ZBTB16: variants seen among roughly 807,000 people sequenced by gnomAD.
ZBTB16 encodes zinc finger and BTB domain-containing protein 16.
A neutral mutation model predicts 56.8 loss-of-function variants in ZBTB16; 8 were observed. The observed-to-expected ratio is 0.14, with a 90% CI of 0.08 to 0.25. ZBTB16 has a LOEUF of 0.25. Among genes scored for constraint, ZBTB16 ranks in the 10% least tolerant of loss-of-function variants. The pLI, the probability that ZBTB16 is intolerant of heterozygous loss-of-function variation, is 1.00. For missense variants in ZBTB16, 625 were observed against 903.0 expected (o/e 0.69, Z 3.95); for synonymous variants, 363 against 368.5 (o/e 0.98, Z 0.17).
At chr11:114,209,032 A>G (rs574262145) in intron 4 of ZBTB16, among the ~76,000 whole-genome samples, 44 of 152,318 alleles carry the variant, frequency 2.9e-4, no homozygotes, top group African/African-American at 8.7e-4. Context: ...CATTCATTCA[A>G]TGGGATTTGA....
intron 2 of ZBTB16, among the ~76,000 whole-genome samples, chr11:114,115,485 A>G (rs570447197): frequency 2.0e-5 from 3 of 151,998 alleles, no homozygotes; most frequent in East Asian, 1.9e-4. Context: ...AGAGTCCCAC[A>G]TTCTTCCAAG....
intron 4 of ZBTB16, among the ~76,000 whole-genome samples, chr11:114,224,902 C>A (rs1005726518): frequency 6.6e-6 from 1 of 152,154 alleles, no homozygotes; most frequent in South Asian, 2.1e-4. Flanking sequence ...ATATCAAAGG[C>A]AAACAGTTTT....
At chr11:114,235,681 TCTTTCTTTCTTTTCTTTCTTTC>T (rs1248968967) in intron 4 of ZBTB16, among the ~76,000 whole-genome samples, 39 of 25,510 alleles carry the variant, frequency 1.5e-3, no homozygotes, top group Admixed American at 6.7e-3. Context: ...TTTCTTTCTT[TCTTTCTTTCTTTTCTTTCTTTC>T]TTTTCTTTCT....
At chr11:114,168,446 T>C (rs1942854996) in intron 3 of ZBTB16, among the ~76,000 whole-genome samples, 1 of 152,214 alleles carries the variant, frequency 6.6e-6, no homozygotes, top group African/African-American at 2.4e-5. Context: ...GAAAGACATT[T>C]ATTGAAACTT....
chr11:114,241,363 G>T (rs1944698923), intron 4 of ZBTB16, among the ~76,000 whole-genome samples: 1 of 152,146 alleles, frequency 6.6e-6, no homozygotes, highest in Admixed American at 6.5e-5. Context: ...CCGGGCCATG[G>T]TCTGTGAGGA....
At chr11:114,088,917 GC>G (rs537883860) in intron 2 of ZBTB16, among the ~76,000 whole-genome samples, 91 of 152,176 alleles carry the variant, frequency 6.0e-4, no homozygotes, top group Middle Eastern at 3.4e-3. Context: ...TGGCCTGGGG[GC>G]CCCCCCACAC....
rs539874346 is a variant in ZBTB16 at position 114,104,182 on chromosome 11, C to T, written c.1268+39614C>T. Among the ~76,000 whole-genome samples the T allele has an allele frequency of 7.2e-5, 11 of 152,264 alleles. No homozygotes were observed. In the South Asian group the frequency reaches 8.3e-4, roughly 11 times the overall value. ...ATTTTCTGTTTTATCCCAGGGTGAA[C>T]GTGTGTAGAAAACTGGGACCTAACC... On this transcript the variant is annotated intron_variant, in intron 2 of 6. Coordinates refer to ENST00000335953, the MANE Select transcript of ZBTB16 (RefSeq NM_006006.6).
At chr11:114,233,115 ACACACACACACTCTCTCT>A (rs1428699002) in intron 4 of ZBTB16, among the ~76,000 whole-genome samples, 1,150 of 55,920 alleles carry the variant, frequency 0.021, 51 homozygotes, top group Admixed American at 0.12. Flanking sequence ...ACACACACAC[ACACACACACACTCTCTCT>A]CTCTCACACT....
chr11:114,062,813 C>T (rs1938936845), intron 1 of ZBTB16, among the ~76,000 whole-genome samples: 1 of 152,214 alleles, frequency 6.6e-6, no homozygotes, highest in Non-Finnish European at 1.5e-5. Context: ...AAGGAAGGGG[C>T]TAAAGTCTTG....
In ZBTB16 at chr11:114,253,775, G is replaced by A. The variant is rs1944955575; in HGVS notation, c.*3220G>A. On this transcript the variant is annotated 3_prime_UTR_variant, in exon 7 of 7. Coordinates refer to ENST00000335953, the MANE Select transcript of ZBTB16 (RefSeq NM_006006.6). ...AACAGTTCTAATGTTGCACGGCCTA[G>A]TGGCCAGGGGGCAAGCTAAGAGGCT... Among the ~76,000 whole-genome samples, 1 of 152,196 alleles carries A rather than the reference G, an allele frequency of 6.6e-6. No homozygotes were observed. Among genetic ancestry groups the A allele is most frequent in the Non-Finnish European group, 1.5e-5 (1 of 68,038 alleles).
intron 2 of ZBTB16, among the ~76,000 whole-genome samples, chr11:114,080,993 T>G (rs1939738169): frequency 6.6e-6 from 1 of 152,184 alleles, no homozygotes; most frequent in Non-Finnish European, 1.5e-5. Context: ...CATGCTCATT[T>G]GGGAGGAGTA....
intron 2 of ZBTB16, among the ~76,000 whole-genome samples, chr11:114,072,428 G>A (rs1939383106): frequency 6.6e-6 from 1 of 152,204 alleles, no homozygotes; most frequent in Non-Finnish European, 1.5e-5. Flanking sequence ...CCTGTTGCCT[G>A]TGCACGTGGC....
rs185755842 is a variant in ZBTB16, at chr11:114,230,084, G to A, written c.1454-12083G>A. On this transcript the variant is annotated intron_variant, in intron 4 of 6. Coordinates refer to ENST00000335953, the MANE Select transcript of ZBTB16 (RefSeq NM_006006.6). ...CCCTCTCGGTTGAAGCCCAGGTTGG[G>A]GCAGTGGGTGTGTCCTCTTTCTACT... 3.3e-5 allele frequency among the ~76,000 whole-genome samples: 5 copies of A among 152,310 alleles called. No homozygotes were observed. In the East Asian group the frequency reaches 5.8e-4, roughly 18 times the overall value.
chr11:114,124,448 T>C (rs1450578698), intron 2 of ZBTB16, among the ~76,000 whole-genome samples: 2 of 148,944 alleles, frequency 1.3e-5, no homozygotes, highest in Non-Finnish European at 1.5e-5. Context: ...CCAAACAAGG[T>C]CCAGAATTGA....
chr11:114,198,917 C>T (rs1317063356), intron 4 of ZBTB16, among the ~76,000 whole-genome samples: 1 of 152,256 alleles, frequency 6.6e-6, no homozygotes, highest in Non-Finnish European at 1.5e-5. Flanking sequence ...TTCATCACCC[C>T]AGCACATTTT....
At chr11:114,087,074 C>T (rs564994599) in intron 2 of ZBTB16, among the ~76,000 whole-genome samples, 15 of 152,272 alleles carry the variant, frequency 9.9e-5, no homozygotes, top group Non-Finnish European at 1.5e-4. Flanking sequence ...TTGCCACTTT[C>T]TAAGTGGCAA....
At chr11:114,247,487 G>A (rs1944838490) in intron 6 of ZBTB16, 122 bp downstream of exon 6, 12 of 1,393,192 alleles carry the variant, frequency 8.6e-6, no homozygotes, top group South Asian at 1.3e-5. Flanking sequence ...AGTAGAAGAG[G>A]TTCTATTAAG....
At chr11:114,234,204 G>A (rs1221739947) in intron 4 of ZBTB16, among the ~76,000 whole-genome samples, 2 of 152,186 alleles carry the variant, frequency 1.3e-5, no homozygotes, top group Non-Finnish European at 2.9e-5. Context: ...GGGGCAGAGA[G>A]GGCTGGATAA....
At chr11:114,091,044 G>C (rs770883794) in intron 2 of ZBTB16, among the ~76,000 whole-genome samples, 1 of 152,178 alleles carries the variant, frequency 6.6e-6, no homozygotes, top group African/African-American at 2.4e-5. Context: ...TGGTGACGCA[G>C]ACTAAGGCAA....
Sources: gnomAD v4.1 joint callset for allele counts (sites outside exome capture counted in the v4.1 genomes callset) on GRCh38, gnomAD v4.1.1 for gene constraint, MANE v1.5 for transcripts, NCBI Gene and HGNC (gene_info 2026-07-23, HGNC 2026-07-21) for gene names.